Variants in MND1 observed in about 807,000 individuals in gnomAD.
MND1 encodes the protein meiotic nuclear division protein 1 homolog.
MND1 carries 28 observed loss-of-function variants against 35.1 expected under a neutral mutation model. The observed-to-expected ratio is 0.80, with a 90% CI of 0.59 to 1.09. The LOEUF (loss-of-function observed/expected upper bound fraction) is 1.09, where lower values mean the gene tolerates loss of function less well. Among genes scored for constraint, MND1 ranks in the 50% least tolerant of loss-of-function variants. The pLI is 0.00. For synonymous variants in MND1, 69 were observed against 70.5 expected, an observed-to-expected ratio of 0.98 and a Z score of 0.11; for missense variants, 213 against 239.6, an observed-to-expected ratio of 0.89 and a Z score of 0.73.
intron 6 of MND1, among the ~76,000 whole-genome samples, chr4:153,403,512 G>A (rs992558461): frequency 4.6e-5 from 7 of 152,132 alleles, no homozygotes; most frequent in African/African-American, 1.7e-4. Flanking sequence ...TTAAGAACAC[G>A]GACTTTACAG....
chr4:153,394,049 C>T (rs1729130448), intron 4 of MND1, among the ~76,000 whole-genome samples: 1 of 150,040 alleles, frequency 6.7e-6, no homozygotes, highest in Admixed American at 6.7e-5. Context: ...AGGTGTGCGC[C>T]ACCACACCCA....
intron 5 of MND1, among the ~76,000 whole-genome samples, chr4:153,396,087 T>C (rs1043810859): frequency 3.9e-5 from 6 of 152,200 alleles, no homozygotes; most frequent in Non-Finnish European, 8.8e-5. Flanking sequence ...CATCTTCTTA[T>C]AGTTATTTTA....
intron 4 of MND1, among the ~76,000 whole-genome samples, chr4:153,390,893 GTGTGTGTGTGTGTGTGTGTGTGTATA>G (rs1372590494): frequency 6.3e-5 from 7 of 110,288 alleles, no homozygotes; most frequent in South Asian, 2.5e-4. Context: ...ATATATATGT[GTGTGTGTGTGTGTGTGTGTGTGTATA>G]TGTGTGTGTG....
At chr4:153,384,838 A>C (rs1046684368) in intron 4 of MND1, among the ~76,000 whole-genome samples, 3 of 152,020 alleles carry the variant, frequency 2.0e-5, no homozygotes, top group Admixed American at 6.6e-5. Context: ...TCTGGACTAC[A>C]TTTCTTATTT....
rs957746433 is a variant in MND1, at chr4:153,350,187, C to A, written c.69+58C>A. On this transcript the variant is annotated intron_variant, in intron 2 of 7. Coordinates refer to ENST00000240488, the MANE Select transcript of MND1 (RefSeq NM_032117.4). Reference sequence around the variant, plus strand: ...TGTAATTTTCATCTTAAGTATATGTCATCCAATGTTAACTGTCCCCTCTTT... The same window carrying A: ...TGTAATTTTCATCTTAAGTATATGTAATCCAATGTTAACTGTCCCCTCTTT... 18 of 1,240,122 alleles carry A rather than the reference C, an allele frequency of 1.5e-5. No individual in the cohort carries two copies. In the African/African-American group the frequency reaches 2.1e-4, roughly 15 times the overall value. The allele number at this position is 1,240,122 out of a possible 1,614,324, so 76.8% of individuals were successfully genotyped here. A position where few individuals can be genotyped will look rare whatever the true frequency, so the allele number is the denominator to read the frequency against.
chr4:153,372,130 C>T (rs1283913671), intron 4 of MND1, among the ~76,000 whole-genome samples: 1 of 151,960 alleles, frequency 6.6e-6, no homozygotes, highest in East Asian at 1.9e-4. Context: ...ATAGTAACAT[C>T]AAGATCACAG....
intron 4 of MND1, among the ~76,000 whole-genome samples, chr4:153,369,076 C>T (rs1315420398): frequency 6.6e-6 from 1 of 152,192 alleles, no homozygotes; most frequent in African/African-American, 2.4e-5. Flanking sequence ...GATCTGCTTC[C>T]AAATCCAATC....
At chr4:153,351,557 G>A (rs1327039585) in intron 2 of MND1, among the ~76,000 whole-genome samples, 4 of 152,062 alleles carry the variant, frequency 2.6e-5, no homozygotes, top group East Asian at 1.9e-4. Flanking sequence ...TGGTATATCC[G>A]GGATCCAGAC....
At chr4:153,365,411 A>G (rs2149637520) in intron 4 of MND1, among the ~76,000 whole-genome samples, 1 of 152,326 alleles carries the variant, frequency 6.6e-6, no homozygotes, top group East Asian at 1.9e-4. Context: ...TTTATTGAAT[A>G]CCACTATCTG....
chr4:153,371,095 G>T (rs1773780124), intron 4 of MND1, among the ~76,000 whole-genome samples: 1 of 152,072 alleles, frequency 6.6e-6, no homozygotes, highest in Non-Finnish European at 1.5e-5. Flanking sequence ...TATTTTGAAA[G>T]AAATCTTTTT....
intron 6 of MND1, among the ~76,000 whole-genome samples, chr4:153,401,380 A>G (rs755417732): frequency 5.3e-5 from 8 of 152,200 alleles, no homozygotes; most frequent in Non-Finnish European, 1.2e-4. Flanking sequence ...CCAGAAAAAT[A>G]TCTAAAGAAA....
At chr4:153,363,983 C>T (rs951420365) in intron 4 of MND1, among the ~76,000 whole-genome samples, 1 of 152,100 alleles carries the variant, frequency 6.6e-6, no homozygotes, top group African/African-American at 2.4e-5. Flanking sequence ...CCTGTTATCC[C>T]AATACTTTGG....
At position 153,358,496 on chromosome 4, in the gene MND1, C is replaced by A. The variant is rs766575812; in HGVS notation, c.150C>A (p.Val50=). ...KGITAMSVKE[V]LQSLVDDGMV... ...TAGCTGCTATGTCAGTAAAAGAAGT[C>A]CTTCAAAGCTTAGTTGATGATGGTA... The change falls in exon 4 of 8, where the codon GTC becomes GTA. Residue 50 remains valine (V), a synonymous_variant. Coordinates refer to ENST00000240488, the MANE Select transcript of MND1 (RefSeq NM_032117.4). The A allele has an allele frequency of 3.1e-6, 5 of 1,602,786 alleles. No homozygotes were observed. Among genetic ancestry groups the A allele is most frequent in the African/African-American group, 1.3e-5 (1 of 74,554 alleles).
rs751808682 is a variant in MND1, at chr4:153,358,514, T to C, written c.168T>C (p.Asp56=). ...SVKEVLQSLV[D]DGMVDCERIG... ...AAGAAGTCCTTCAAAGCTTAGTTGA[T>C]GATGGTATGGTTGACTGTGAGAGGA... Residue 56 remains aspartate (D), a synonymous_variant, in exon 4 of 8, where the codon GAT becomes GAC. Coordinates refer to ENST00000240488, the MANE Select transcript of MND1 (RefSeq NM_032117.4). 28 of 1,611,994 alleles carry C rather than the reference T, an allele frequency of 1.7e-5. No individual in the cohort carries two copies. The highest frequency in any genetic ancestry group is 2.2e-5 in the Non-Finnish European group (26 of 1,179,060).
chr4:153,361,865 T>G (rs1222109708), intron 4 of MND1, among the ~76,000 whole-genome samples: 3 of 151,786 alleles, frequency 2.0e-5, no homozygotes, highest in Non-Finnish European at 4.4e-5. Flanking sequence ...AATTCTAAGG[T>G]GGTATTACTT....
chr4:153,349,966 T>C, intron 1 of MND1, 98 bp from the exon 2 acceptor site: 1 of 771,126 alleles, frequency 1.3e-6, no homozygotes, highest in Non-Finnish European at 2.1e-6. Flanking sequence ...CCTGTTGGCA[T>C]CAGATAAGAC....
chr4:153,394,418 A>G, intron 5 of MND1, 82 bp downstream of exon 5: 1 of 1,096,638 alleles, frequency 9.1e-7, no homozygotes, highest in Non-Finnish European at 1.3e-6. Context: ...TGTGAGGAGG[A>G]TGCATTTCTA....
chr4:153,412,983 T>C (rs1729730570), intron 7 of MND1, among the ~76,000 whole-genome samples: 1 of 152,088 alleles, frequency 6.6e-6, no homozygotes. Context: ...CTTTTTGTAT[T>C]GTTAGTAGAG....
rs34034237 is a variant in MND1, at chr4:153,379,849, CAAAAAAAAAAA to C, written c.277-14396_277-14386del. Among the ~76,000 whole-genome samples the C allele has an allele frequency of 7.9e-3, 493 of 62,526 alleles. 5 individuals carry two copies. Among genetic ancestry groups the C allele is most frequent in the Admixed American group, 0.013 (58 of 4,502 alleles). The allele number at this position is 62,526 out of a possible 152,430, so 41.0% of individuals were successfully genotyped here. A position where few individuals can be genotyped will look rare whatever the true frequency, so the allele number is the denominator to read the frequency against. The stretch of plus-strand genomic sequence containing the variant: ...TGTGCAACAGAGCAAGACTCCATCT[CAAAAAAAAAAA>C]AAAAAAAAAAAAAAAATCAGGTGTT... On this transcript the variant is annotated intron_variant, in intron 4 of 7. Coordinates refer to ENST00000240488, the MANE Select transcript of MND1 (RefSeq NM_032117.4).
Sources: allele counts gnomAD v4.1 joint callset (sites outside exome capture counted in the v4.1 genomes callset), GRCh38; gene constraint gnomAD v4.1.1; transcripts MANE v1.5; gene names NCBI Gene and HGNC (gene_info 2026-07-23, HGNC 2026-07-21).